Variants in DLGAP2 observed in about 807,000 individuals in gnomAD.
DLGAP2 encodes the protein disks large-associated protein 2.
Under a neutral mutation model 100.3 loss-of-function variants are expected in DLGAP2, and 26 were observed. The ratio of observed to expected loss-of-function variants is 0.26; its 90% confidence interval spans 0.19 to 0.36. The LOEUF is 0.36. Among genes scored for constraint, DLGAP2 ranks in the 10% least tolerant of loss-of-function variants. DLGAP2 has a pLI of 1.00. For missense variants in DLGAP2, 1,858 were observed against 1,453.2 expected, an observed-to-expected ratio of 1.28 and a Z score of -4.53; for synonymous variants, 886 against 630.1, an observed-to-expected ratio of 1.41 and a Z score of -6.08.
At chr8:775,217 T>C (rs767978233) in intron 1 of DLGAP2, among the ~76,000 whole-genome samples, 3,212 of 151,926 alleles carry the variant, frequency 0.021, 44 homozygotes, top group Admixed American at 0.035. Flanking sequence ...GAGACTTTGC[T>C]GAAGTTGCTT....
Position 1,255,410 on chromosome 8 carries a change from G to C in DLGAP2, c.74-3441G>C, listed in dbSNP as rs368847229. Among the ~76,000 whole-genome samples the C allele has an allele frequency of 6.7e-3, 898 of 133,758 alleles. 12 individuals carry two copies. Among genetic ancestry groups the C allele is most frequent in the African/African-American group, 0.024 (746 of 31,508 alleles). 87.8% of individuals were successfully genotyped at this position (133,758 alleles called of 152,430 possible). A position where few individuals can be genotyped will look rare whatever the true frequency, so the allele number is the denominator to read the frequency against. ...GCTGTGTGTGTGTCCTCTCCTGCCT[G>C]GGTGCTGTGTGTGTGTCCTCATCCT... On this transcript the variant is annotated intron_variant, in intron 2 of 14. Transcript: ENST00000637795.
intron 8 of DLGAP2, among the ~76,000 whole-genome samples, chr8:1,653,851 G>C (rs1468924006): frequency 6.6e-6 from 1 of 152,140 alleles, no homozygotes; most frequent in Admixed American, 6.5e-5. Context: ...ACATGATTTA[G>C]GATATATTCA....
At chr8:1,052,875 C>G (rs550881093) in intron 2 of DLGAP2, among the ~76,000 whole-genome samples, 23 of 152,230 alleles carry the variant, frequency 1.5e-4, no homozygotes, top group African/African-American at 5.5e-4. Context: ...CAATCCATAC[C>G]TGTAATATTC....
At chr8:747,392 C>T (rs939548715) in intron 1 of DLGAP2, among the ~76,000 whole-genome samples, 49 of 151,930 alleles carry the variant, frequency 3.2e-4, no homozygotes, top group African/African-American at 8.9e-4. Flanking sequence ...TGGGCTTCTC[C>T]GCCGGGCCTC....
intron 1 of DLGAP2, among the ~76,000 whole-genome samples, chr8:797,554 T>G (rs1796061578): frequency 1.3e-5 from 2 of 152,178 alleles, no homozygotes; most frequent in South Asian, 4.1e-4. Flanking sequence ...TTCATTTCTC[T>G]TGGGTAAATG....
intron 1 of DLGAP2, among the ~76,000 whole-genome samples, chr8:839,304 A>G (rs1004253702): frequency 6.6e-6 from 1 of 152,234 alleles, no homozygotes; most frequent in African/African-American, 2.4e-5. Context: ...AGCATTATTT[A>G]TAGTAGCCAA....
At chr8:850,540 T>C (rs78256222) in intron 1 of DLGAP2, among the ~76,000 whole-genome samples, 2,471 of 152,266 alleles carry the variant, frequency 0.016, 32 homozygotes, top group African/African-American at 0.041. Flanking sequence ...TTTGTCAGAG[T>C]ATGTATCTAT....
intron 3 of DLGAP2, among the ~76,000 whole-genome samples, chr8:1,468,841 G>A (rs1798703319): frequency 6.6e-6 from 1 of 152,118 alleles, no homozygotes; most frequent in African/African-American, 2.4e-5. Context: ...GCAGCTTGTG[G>A]TGACCGTCAT....
At chr8:1,697,039 T>G (rs909810602) in intron 13 of DLGAP2, 108 bp from the exon 14 acceptor site, 20 of 1,208,774 alleles carry the variant, frequency 1.7e-5, no homozygotes, top group Non-Finnish European at 2.1e-5. Flanking sequence ...TTAGCCAGGC[T>G]TCTCCCTAAT....
At chr8:1,012,388 G>T (rs1801315181) in intron 2 of DLGAP2, among the ~76,000 whole-genome samples, 1 of 152,246 alleles carries the variant, frequency 6.6e-6, no homozygotes, top group Non-Finnish European at 1.5e-5. Context: ...CGCGGCAAAT[G>T]CTTCTTGGAC....
chr8:1,363,340 T>C (rs1184710513), intron 3 of DLGAP2, among the ~76,000 whole-genome samples: 2 of 151,846 alleles, frequency 1.3e-5, no homozygotes, highest in East Asian at 3.9e-4. Flanking sequence ...CTTGCGGCTG[T>C]CTCTCCTGCC....
intron 2 of DLGAP2, among the ~76,000 whole-genome samples, chr8:1,198,075 C>CTGT (rs940200251): frequency 6.6e-6 from 1 of 152,040 alleles, no homozygotes; most frequent in African/African-American, 2.4e-5. Flanking sequence ...ATTCTGTGGA[C>CTGT]TGTTACCTGT....
intron 2 of DLGAP2, among the ~76,000 whole-genome samples, chr8:1,084,239 A>G (rs996406558): frequency 6.6e-6 from 1 of 152,214 alleles, no homozygotes; most frequent in Admixed American, 6.5e-5. Context: ...TTTAAAATGT[A>G]TTCATTATGT....
At chr8:1,164,112 G>C (rs1487103641) in intron 2 of DLGAP2, among the ~76,000 whole-genome samples, 1 of 29,962 alleles carries the variant, frequency 3.3e-5, no homozygotes, top group Non-Finnish European at 9.0e-5. Context: ...TTTTCTGTGA[G>C]CCCGCAGGGC....
At chr8:1,570,420 T>C (rs1802606517) in intron 6 of DLGAP2, among the ~76,000 whole-genome samples, 1 of 152,246 alleles carries the variant, frequency 6.6e-6, no homozygotes, top group Non-Finnish European at 1.5e-5. Flanking sequence ...ATATCAGCAT[T>C]TTTAACGTGT....
intron 2 of DLGAP2, among the ~76,000 whole-genome samples, chr8:1,060,322 C>T (rs528332878): frequency 1.3e-5 from 2 of 149,466 alleles, no homozygotes; most frequent in African/African-American, 4.9e-5. Context: ...TCTGGAGGCC[C>T]TGAGGGCGTT....
chr8:1,529,492 T>A (rs977385579), intron 4 of DLGAP2, among the ~76,000 whole-genome samples: 15 of 152,160 alleles, frequency 9.9e-5, no homozygotes, highest in Non-Finnish European at 8.8e-5. Flanking sequence ...AGCTGAGGGT[T>A]GGAGTGTTCA....
intron 3 of DLGAP2, among the ~76,000 whole-genome samples, chr8:1,352,823 C>G (rs1044437146): frequency 6.6e-6 from 1 of 152,156 alleles, no homozygotes; most frequent in Non-Finnish European, 1.5e-5. Context: ...GTCTGCTCAT[C>G]CCATAGTAAG....
intron 2 of DLGAP2, among the ~76,000 whole-genome samples, chr8:1,110,686 C>G (rs1804927117): frequency 6.7e-6 from 1 of 149,908 alleles, no homozygotes; most frequent in Non-Finnish European, 1.5e-5. Flanking sequence ...CAAGTAACTG[C>G]TTTCCATTTT....
Sources: gnomAD v4.1 joint callset for allele counts (sites outside exome capture counted in the v4.1 genomes callset) on GRCh38, gnomAD v4.1.1 for gene constraint, MANE v1.5 for transcripts, NCBI Gene and HGNC (gene_info 2026-07-23, HGNC 2026-07-21) for gene names.